Variants in SH3D21 observed in about 807,000 individuals in gnomAD.
SH3D21 encodes manchette microtubule inner protein 1.
Under a neutral mutation model 82.1 loss-of-function variants are expected in SH3D21, and 83 were observed. The observed-to-expected ratio is 1.01, with a 90% CI of 0.85 to 1.21. The LOEUF (loss-of-function observed/expected upper bound fraction) is 1.21, where lower values mean the gene tolerates loss of function less well. SH3D21 is among the 50% of genes most tolerant of loss of function. The pLI is 0.00. For synonymous variants in SH3D21, 383 were observed against 387.8 expected, an observed-to-expected ratio of 0.99 and a Z score of 0.15; for missense variants, 980 against 962.1, an observed-to-expected ratio of 1.02 and a Z score of -0.25.
In SH3D21 at chr1:36,320,995, G is replaced by A. The variant is rs751507435; in HGVS notation, c.2199+17G>A. On this transcript the variant is annotated intron_variant, in intron 15 of 15. Coordinates refer to ENST00000453908, the MANE Select transcript of SH3D21 (RefSeq NM_001162530.2). Reference sequence around the variant, plus strand: ...CGGCTGGAGGTGAGGCGCGGGTCCCGGCGGGAGGGGGCTGACGGCGAGTGG... The same window carrying A: ...CGGCTGGAGGTGAGGCGCGGGTCCCAGCGGGAGGGGGCTGACGGCGAGTGG... 5 of 1,570,328 alleles carry A rather than the reference G, an allele frequency of 3.2e-6. No homozygotes were observed. Among genetic ancestry groups the A allele is most frequent in the South Asian group, 1.2e-5 (1 of 86,294 alleles).
chr1:36,317,429 A>T (rs72663437), intron 10 of SH3D21, among the ~76,000 whole-genome samples: 1,879 of 152,348 alleles, frequency 0.012, 17 homozygotes, highest in Non-Finnish European at 0.02. Flanking sequence ...ACTTGTGCAC[A>T]TGCCAGAGTG....
rs1345723560 is a variant in SH3D21, at chr1:36,307,912, C to G, written c.493-6C>G. On this transcript the variant is annotated splice_region_variant and splice_polypyrimidine_tract_variant and intron_variant, in intron 6 of 15. Coordinates refer to ENST00000453908, the MANE Select transcript of SH3D21 (RefSeq NM_001162530.2). The surrounding 1 kb of genome is among the most constrained non-coding windows in gnomAD (Gnocchi z 5.4). ...TCTAGTTCCTCCCTGCCCCTTCCCC[C>G]ACTAGCTGAGCAGCCTGGCCTATGA... The G allele has an allele frequency of 1.9e-6, 3 of 1,551,724 alleles. No homozygotes were observed. Among genetic ancestry groups the G allele is most frequent in the Non-Finnish European group, 2.6e-6 (3 of 1,146,998 alleles).
At position 36,320,778 on chromosome 1, in the gene SH3D21, G is replaced by A; in HGVS notation, c.2115G>A (p.Glu705=). The A allele has an allele frequency of 6.3e-7, 1 of 1,576,366 alleles. No homozygotes were observed. The highest frequency in any genetic ancestry group is 8.6e-7 in the Non-Finnish European group (1 of 1,160,756). ...GEVESLRRAL[E]LMEVQLERKL... is the part of the protein sequence containing the mutation. ...TGGAGTCTCTAAGGAGGGCGCTGGA[G>A]CTGATGGAGGTGCAGCTGGAGTGAG... The change falls in exon 14 of 16, where the codon GAG becomes GAA. Residue 705 remains glutamate (E), a synonymous_variant. Coordinates refer to ENST00000453908, the MANE Select transcript of SH3D21 (RefSeq NM_001162530.2).
intron 10 of SH3D21, among the ~76,000 whole-genome samples, chr1:36,313,894 C>A (rs1646286806): frequency 1.3e-5 from 2 of 150,978 alleles, no homozygotes; most frequent in South Asian, 4.2e-4. Context: ...TGACAACTGT[C>A]CTAGTGGGTA....
At chr1:36,318,470 A>G (rs1483718524) in intron 10 of SH3D21, among the ~76,000 whole-genome samples, 1 of 152,134 alleles carries the variant, frequency 6.6e-6, no homozygotes, top group Non-Finnish European at 1.5e-5. Flanking sequence ...GAGAGAGAAT[A>G]TAAAGAATTC....
In SH3D21 at chr1:36,307,421, G is replaced by C; in HGVS notation, c.346-96G>C. On this transcript the variant is annotated intron_variant, in intron 4 of 15. Transcript: ENST00000453908. The surrounding 1 kb of genome is among the most constrained non-coding windows in gnomAD (Gnocchi z 5.4). ...ACGGGGAAGCGCGGGAGGGAAGGAG[G>C]GAGGAAGGGGCGCTTGGGCAGAACC... is the stretch of plus-strand genomic sequence containing the variant. The C allele has an allele frequency of 6.6e-7, 1 of 1,504,532 alleles. No homozygotes were observed. The highest frequency in any genetic ancestry group is 9.0e-7 in the Non-Finnish European group (1 of 1,110,736). 93.2% of individuals were successfully genotyped at this position (1,504,532 alleles called of 1,614,324 possible). A position where few individuals can be genotyped will look rare whatever the true frequency, so the allele number is the denominator to read the frequency against.
At chr1:36,323,357 C>T (rs867425874), downstream of SH3D21, 15 of 302,068 alleles carry the variant, frequency 5.0e-5, no homozygotes, top group Middle Eastern at 9.3e-4. Flanking sequence ...GATAGGGACG[C>T]TGAGCCTCCA....
intron 10 of SH3D21, among the ~76,000 whole-genome samples, chr1:36,312,705 C>A (rs1038035243): frequency 6.6e-6 from 1 of 151,926 alleles, no homozygotes; most frequent in Non-Finnish European, 1.5e-5. Context: ...CTAGTTTTCC[C>A]TTTTCTTCTT....
chr1:36,319,497 C>T lies in SH3D21; in HGVS notation c.972C>T (p.Ser324=). ...GGSYHPGRKR[S]KTQTPQQRSV... is the part of the protein sequence containing the mutation. ...CGTATCACCCTGGCCGAAAGCGATC[C>T]AAAACCCAGACTCCCCAGCAACGCT... The change falls in exon 13 of 16, where the codon TCC becomes TCT. Residue 324 remains serine (S), a synonymous_variant. Coordinates refer to ENST00000453908, the MANE Select transcript of SH3D21 (RefSeq NM_001162530.2). 2 of 1,551,634 alleles carry T rather than the reference C, an allele frequency of 1.3e-6. No homozygotes were observed. Among genetic ancestry groups the T allele is most frequent in the Non-Finnish European group, 1.7e-6 (2 of 1,146,984 alleles).
In SH3D21 at chr1:36,306,795, G is replaced by A. The variant is rs1465655538; in HGVS notation, c.162+40G>A. The A allele has an allele frequency of 3.1e-6, 4 of 1,291,730 alleles. No homozygotes were observed. The highest frequency in any genetic ancestry group is 4.0e-6 in the Non-Finnish European group (4 of 987,756). 80.0% of individuals were successfully genotyped at this position (1,291,730 alleles called of 1,614,324 possible). On this transcript the variant is annotated intron_variant, in intron 2 of 15. Transcript: ENST00000453908. This position sits in a 1 kb window ranked among gnomAD's most constrained non-coding sequence, Gnocchi z 4.5. Reference sequence around the variant, plus strand: ...GGGGCGGGCTGTGGGGTCTCAGCGCGCGCCCCCCGGGAGCTGAGAGCGCCT... The same window carrying A: ...GGGGCGGGCTGTGGGGTCTCAGCGCACGCCCCCCGGGAGCTGAGAGCGCCT...
intron 10 of SH3D21, among the ~76,000 whole-genome samples, chr1:36,313,613 C>G (rs1412292497): frequency 3.3e-5 from 5 of 152,010 alleles, no homozygotes; most frequent in Non-Finnish European, 7.4e-5. Context: ...GCTGTGTTGC[C>G]TAGGCTGGAG....
downstream of SH3D21, among the ~76,000 whole-genome samples, chr1:36,330,097 C>A (rs1011214780): frequency 6.6e-5 from 10 of 152,126 alleles, no homozygotes; most frequent in Admixed American, 5.2e-4. Flanking sequence ...GCAGTCAAGA[C>A]ACCTGCACCC....
In SH3D21 at chr1:36,320,636, G is replaced by A. The variant is rs141874902; in HGVS notation, c.1973G>A (p.Arg658His). 28 of 1,614,242 alleles carry A rather than the reference G, an allele frequency of 1.7e-5. No homozygotes were observed. In the African/African-American group the frequency reaches 3.5e-4, roughly 20 times the overall value. Residue 658 changes from arginine (R) to histidine (H), a missense_variant, in exon 14 of 16, where the codon CGT becomes CAT. By Grantham distance (29) the Arg-to-His change is conservative (BLOSUM62 0). Transcript: ENST00000453908. ...PIERAFAQKT[R>H]PIKPPPDSQE... ...GAAAGAGCCTTTGCCCAAAAAACACGTCCTATCAAGCCGCCTCCAGACTCC... is the reference window on the plus strand; with the variant it reads ...GAAAGAGCCTTTGCCCAAAAAACACATCCTATCAAGCCGCCTCCAGACTCC...
downstream of SH3D21, among the ~76,000 whole-genome samples, chr1:36,325,199 C>T (rs1038264567): frequency 3.3e-5 from 5 of 152,026 alleles, no homozygotes; most frequent in Non-Finnish European, 7.4e-5. Context: ...CACCACCATG[C>T]CTGGCTAATT....
intron 10 of SH3D21, 103 bp from the exon 11 acceptor site, chr1:36,318,968 A>G: frequency 3.2e-6 from 2 of 630,074 alleles, no homozygotes; most frequent in Non-Finnish European, 5.8e-6. Flanking sequence ...GCAGTGGCGC[A>G]TAGTCAAACA....
chr1:36,322,613 C>T (rs1646485658), downstream of SH3D21: 1 of 1,549,732 alleles, frequency 6.5e-7, no homozygotes, highest in African/African-American at 1.4e-5. Context: ...GAGCCGGGCC[C>T]CGGGGCCGCG....
downstream of SH3D21, chr1:36,322,839 G>A: frequency 1.6e-5 from 24 of 1,488,094 alleles, no homozygotes; most frequent in South Asian, 2.8e-4. Flanking sequence ...CCTACTCGAA[G>A]GGCATTAGGG....
Position 36,320,098 on chromosome 1 carries a change from G to GC in SH3D21, c.1440dup (p.Thr481HisfsTer12). 1 of 1,613,956 alleles carries GC rather than the reference G, an allele frequency of 6.2e-7. No homozygotes were observed. Among genetic ancestry groups the GC allele is most frequent in the Non-Finnish European group, 8.5e-7 (1 of 1,179,994 alleles). On this transcript the variant is annotated frameshift_variant, in exon 14 of 16. Transcript: ENST00000453908. LOFTEE classifies it high-confidence loss of function. ...AAAGATGGCCCCTCTGGGGGATGAGGCCCCCACTCTAGAAAAGGTCTTGAC... is the reference window on the plus strand; with the variant it reads ...AAAGATGGCCCCTCTGGGGGATGAGGCCCCCCACTCTAGAAAAGGTCTTGAC...
At chr1:36,327,171 G>A (rs1489713165), downstream of SH3D21, among the ~76,000 whole-genome samples, 1 of 104,296 alleles carries the variant, frequency 9.6e-6, no homozygotes, top group Non-Finnish European at 2.1e-5. Flanking sequence ...GGGCTGAGAG[G>A]TGAAGATGAG....
Sources: allele counts gnomAD v4.1 joint callset (sites outside exome capture counted in the v4.1 genomes callset), GRCh38; gene constraint gnomAD v4.1.1; non-coding constraint Gnocchi (gnomAD v3.1); transcripts MANE v1.5; gene names NCBI Gene and HGNC (gene_info 2026-07-23, HGNC 2026-07-21).